The following RXFP1 variants were observed in gnomAD, a reference collection of about 807,000 sequenced individuals.
RXFP1 encodes the protein relaxin receptor 1.
In RXFP1, 73 loss-of-function variants were observed where a neutral mutation model predicts 89.8. The observed-to-expected ratio is 0.81, with a 90% CI of 0.67 to 0.99. RXFP1 has a LOEUF of 0.99. RXFP1 is among the 50% of genes least tolerant of loss of function. The pLI, the probability that RXFP1 is intolerant of heterozygous loss-of-function variation, is 0.00. For missense variants in RXFP1, 793 were observed against 895.5 expected, an observed-to-expected ratio of 0.89 and a Z score of 1.46; for synonymous variants, 277 against 305.5, an observed-to-expected ratio of 0.91 and a Z score of 0.97.
intron 1 of RXFP1, among the ~76,000 whole-genome samples, chr4:158,535,882 G>T (rs912704876): frequency 6.6e-6 from 1 of 152,104 alleles, no homozygotes; most frequent in Non-Finnish European, 1.5e-5. Context: ...TTTCCCTTGT[G>T]TTATTTTCCA....
At chr4:158,627,387 A>G (rs1408761777) in intron 10 of RXFP1, among the ~76,000 whole-genome samples, 2 of 152,276 alleles carry the variant, frequency 1.3e-5, no homozygotes, top group East Asian at 3.9e-4. Flanking sequence ...GATGAAAGTA[A>G]TATATAGCAC....
chr4:158,568,035 C>G (rs746806312), intron 1 of RXFP1, among the ~76,000 whole-genome samples: 1 of 152,160 alleles, frequency 6.6e-6, no homozygotes, highest in East Asian at 1.9e-4. Flanking sequence ...CCATCAAGAC[C>G]ACGAACCCAC....
At chr4:158,646,087 T>A (rs1771485174) in intron 15 of RXFP1, among the ~76,000 whole-genome samples, 1 of 152,180 alleles carries the variant, frequency 6.6e-6, no homozygotes, top group Non-Finnish European at 1.5e-5. Context: ...ACCCACTTTC[T>A]GATATGTAAC....
rs1763387657 is a variant in RXFP1, at chr4:158,610,570, C to T, written c.537-1560C>T. The T allele has an allele frequency of 4.8e-6, 3 of 618,818 alleles. No homozygotes were observed. The African/African-American group carries it at 5.7e-5, about 12-fold the overall frequency. 38.3% of individuals were successfully genotyped at this position (618,818 alleles called of 1,614,324 possible). On this transcript the variant is annotated intron_variant, in intron 6 of 17. Transcript: ENST00000307765. ...CCATTTTTTAAAAGTACTTAAGTTC[C>T]AAACCTGTGTTGCTGAAACCAAAAT...
At chr4:158,591,412 T>TGACAA (rs1759439123) in intron 2 of RXFP1, among the ~76,000 whole-genome samples, 1 of 152,104 alleles carries the variant, frequency 6.6e-6, no homozygotes, top group Non-Finnish European at 1.5e-5. Flanking sequence ...TGCTGGTTTC[T>TGACAA]GGGGCACTGT....
intron 12 of RXFP1, 74 bp downstream of exon 12, chr4:158,633,550 T>A (rs1768530677): frequency 1.1e-6 from 1 of 939,400 alleles, no homozygotes; most frequent in African/African-American, 1.7e-5. Flanking sequence ...ATGCATAACA[T>A]AAAATTAGCC....
In RXFP1 at chr4:158,644,088, C is replaced by G. The variant is rs1210971528; in HGVS notation, c.1116-821C>G. Among the ~76,000 whole-genome samples the G allele has an allele frequency of 2.7e-5, 4 of 146,038 alleles. No homozygotes were observed. In the Admixed American group the frequency reaches 2.8e-4, roughly 10 times the overall value. ...GAGACAGAGTCTCGCTCTGTCGCCC[C>G]CAGGCTGGAGTGCAGTGGCACGATC... is the stretch of plus-strand genomic sequence containing the variant. On this transcript the variant is annotated intron_variant, in intron 14 of 17. Coordinates refer to ENST00000307765, the MANE Select transcript of RXFP1 (RefSeq NM_021634.4).
intron 1 of RXFP1, among the ~76,000 whole-genome samples, chr4:158,537,729 C>T (rs868409227): frequency 2.0e-5 from 3 of 152,176 alleles, no homozygotes; most frequent in African/African-American, 7.2e-5. Context: ...AGAAAGATCC[C>T]TCACCTATGG....
intron 2 of RXFP1, among the ~76,000 whole-genome samples, chr4:158,581,152 A>G (rs980653508): frequency 1.3e-5 from 2 of 152,228 alleles, no homozygotes; most frequent in Non-Finnish European, 2.9e-5. Flanking sequence ...TTTGTCTAAT[A>G]AGAGTTGTAA....
rs1431819186 is a variant in RXFP1 at position 158,653,142 on chromosome 4, TACTA to T, written c.*1091_*1094del. On this transcript the variant is annotated 3_prime_UTR_variant, in exon 18 of 18. Transcript: ENST00000307765. ...CTCTTTGCACTGCCAGCACGTGAGA[TACTA>T]ACTTTTTAACTAGTTGTTCTTCTCT... The T allele has an allele frequency of 5.3e-5, 8 of 152,252 alleles. No individual in the cohort carries two copies. The highest frequency in any genetic ancestry group is 8.8e-5 in the Non-Finnish European group (6 of 68,046). 9.4% of individuals were successfully genotyped at this position (152,252 alleles called of 1,614,324 possible).
At chr4:158,643,043 C>G (rs577078013) in intron 14 of RXFP1, among the ~76,000 whole-genome samples, 6 of 152,306 alleles carry the variant, frequency 3.9e-5, no homozygotes, top group Non-Finnish European at 7.4e-5. Context: ...CCACCCTAAT[C>G]TTTCATTATG....
At chr4:158,538,852 A>G (rs1745919855) in intron 1 of RXFP1, among the ~76,000 whole-genome samples, 1 of 152,084 alleles carries the variant, frequency 6.6e-6, no homozygotes, top group African/African-American at 2.4e-5. Flanking sequence ...CATATAATCT[A>G]TGACTTCTCT....
intron 2 of RXFP1, among the ~76,000 whole-genome samples, chr4:158,591,761 T>C (rs1227882181): frequency 6.6e-6 from 1 of 152,086 alleles, no homozygotes; most frequent in Non-Finnish European, 1.5e-5. Context: ...AAAACTTTTT[T>C]AATTTTAAAA....
intron 3 of RXFP1, among the ~76,000 whole-genome samples, chr4:158,596,539 C>G (rs929067750): frequency 2.0e-5 from 3 of 152,178 alleles, no homozygotes; most frequent in African/African-American, 7.2e-5. Flanking sequence ...GGATTACAGG[C>G]ATGAGCCACT....
chr4:158,558,917 A>G lies in RXFP1; in HGVS notation c.50-13781A>G, dbSNP rs1463348. On this transcript the variant is annotated intron_variant, in intron 1 of 17. Transcript: ENST00000307765. ...AATACAACCAAATATGAACACAAAA[A>G]TTTTAAGTGACAGCTGTCGTAATAT... 7.5e-3 allele frequency among the ~76,000 whole-genome samples: 1,147 copies of G among 152,288 alleles called. 20 individuals are homozygous for G. Among genetic ancestry groups the G allele is most frequent in the African/African-American group, 0.026 (1,101 of 41,558 alleles).
Position 158,523,901 on chromosome 4 carries a change from C to CTTTGT in RXFP1, c.49+1890_49+1894dup, listed in dbSNP as rs532099592. ...TGGTTGTTGTTTCTTTGTGTGTTTT[C>CTTTGT]TTTGTTTTGTTTTGTTTTTATATCC... On this transcript the variant is annotated intron_variant, in intron 1 of 17. Transcript: ENST00000307765. Among the ~76,000 whole-genome samples, 7 of 152,226 alleles carry CTTTGT rather than the reference C, an allele frequency of 4.6e-5. No individual in the cohort carries two copies. In the South Asian group the frequency reaches 1.0e-3, roughly 23 times the overall value.
intron 2 of RXFP1, among the ~76,000 whole-genome samples, chr4:158,592,986 G>A (rs888294351): frequency 3.3e-5 from 5 of 151,848 alleles, no homozygotes; most frequent in African/African-American, 1.2e-4. Flanking sequence ...TACTTGGGAG[G>A]CTGAGGCAGG....
intron 1 of RXFP1, among the ~76,000 whole-genome samples, chr4:158,543,301 C>T (rs1407808270): frequency 6.6e-6 from 1 of 152,168 alleles, no homozygotes; most frequent in African/African-American, 2.4e-5. Flanking sequence ...CTCCAGACAT[C>T]AAGTTCATGT....
chr4:158,529,965 T>C (rs2149790294), intron 1 of RXFP1, among the ~76,000 whole-genome samples: 2 of 152,338 alleles, frequency 1.3e-5, no homozygotes, highest in East Asian at 3.9e-4. Context: ...CTCCCTCATT[T>C]TGCAGTTACC....
Sources: gnomAD v4.1 joint callset for allele counts (sites outside exome capture counted in the v4.1 genomes callset) on GRCh38, gnomAD v4.1.1 for gene constraint, MANE v1.5 for transcripts, NCBI Gene and HGNC (gene_info 2026-07-23, HGNC 2026-07-21) for gene names.